Variants in MYPN observed in about 807,000 individuals in gnomAD.
MYPN encodes myopalladin, also known as sarcomeric protein myopalladin, 145 kDa (MYOP).
In MYPN, 63 loss-of-function variants were observed where a neutral mutation model predicts 129.4. That is an observed-to-expected ratio of 0.49 (90% confidence interval 0.40 to 0.60). The LOEUF is 0.60. MYPN is among the 20% of genes least tolerant of loss of function. MYPN has a pLI of 0.00. For synonymous variants in MYPN, 629 were observed against 600.9 expected (o/e 1.05, Z -0.68); for missense variants, 1,596 against 1,635.4 (o/e 0.98, Z 0.42).
At chr10:68,177,077 G>C (rs2043238819) in intron 12 of MYPN, among the ~76,000 whole-genome samples, 1 of 152,276 alleles carries the variant, frequency 6.6e-6, no homozygotes, top group Admixed American at 6.5e-5. Context: ...TACGCTGTTT[G>C]ATTTTACTTT....
chr10:68,160,742 C>A (rs1254186725), intron 7 of MYPN, among the ~76,000 whole-genome samples: 1 of 151,942 alleles, frequency 6.6e-6, no homozygotes, highest in Non-Finnish European at 1.5e-5. Flanking sequence ...CATGGTGAAA[C>A]CCCGTCTCTA....
intron 12 of MYPN, among the ~76,000 whole-genome samples, chr10:68,188,081 G>A (rs1304933207): frequency 6.6e-6 from 1 of 152,114 alleles, no homozygotes; most frequent in Non-Finnish European, 1.5e-5. Context: ...AGTGAAAGCA[G>A]ACATGGGGTT....
At chr10:68,112,288 T>C (rs949347153) in intron 1 of MYPN, among the ~76,000 whole-genome samples, 15 of 152,202 alleles carry the variant, frequency 9.9e-5, no homozygotes, top group Non-Finnish European at 2.1e-4. Context: ...GATTAAATAG[T>C]ACCTTTGAGC....
At chr10:68,169,660 G>A (rs1564677401) in intron 10 of MYPN, among the ~76,000 whole-genome samples, 1 of 151,928 alleles carries the variant, frequency 6.6e-6, no homozygotes, top group East Asian at 1.9e-4. Context: ...TCCCCTCATG[G>A]TCCAAGACGG....
chr10:68,099,943 C>T (rs934581094), intron 1 of MYPN, among the ~76,000 whole-genome samples: 1 of 152,116 alleles, frequency 6.6e-6, no homozygotes, highest in Non-Finnish European at 1.5e-5. Flanking sequence ...CAGACAAGAG[C>T]TGGGCTTCGG....
rs1196736226 is a variant in MYPN at position 68,211,653 on chromosome 10, G to T, written c.*1198G>T. On this transcript the variant is annotated 3_prime_UTR_variant, in exon 20 of 20. Coordinates refer to ENST00000358913, the MANE Select transcript of MYPN (RefSeq NM_032578.4). ...ACTGTGATATCCCTAGTACCTAGAAGAGTACCTAGCACAAAGTAGACATTC... is the reference window on the plus strand; with the variant it reads ...ACTGTGATATCCCTAGTACCTAGAATAGTACCTAGCACAAAGTAGACATTC... 6 of 454,010 alleles carry T rather than the reference G, an allele frequency of 1.3e-5. No homozygotes were observed. Among genetic ancestry groups the T allele is most frequent in the Non-Finnish European group, 2.6e-5 (6 of 226,812 alleles). The allele number at this position is 454,010 out of a possible 1,614,324, so 28.1% of individuals were successfully genotyped here. A position where few individuals can be genotyped will look rare whatever the true frequency, so the allele number is the denominator to read the frequency against.
intron 2 of MYPN, among the ~76,000 whole-genome samples, chr10:68,138,455 G>A (rs2042522771): frequency 1.3e-5 from 2 of 150,986 alleles, no homozygotes; most frequent in Non-Finnish European, 2.9e-5. Context: ...TGCAAGTGTG[G>A]TGGTAAATGC....
At chr10:68,176,202 T>A (rs1031185072) in intron 12 of MYPN, among the ~76,000 whole-genome samples, 1 of 152,228 alleles carries the variant, frequency 6.6e-6, no homozygotes, top group South Asian at 2.1e-4. Flanking sequence ...TATACAACTC[T>A]TTGCTTTCTA....
chr10:68,096,736 C>T (rs1237046947), intron 1 of MYPN, among the ~76,000 whole-genome samples: 1 of 152,170 alleles, frequency 6.6e-6, no homozygotes, highest in African/African-American at 2.4e-5. Context: ...TGTTTATATG[C>T]ATTCAACGGT....
At chr10:68,186,686 C>T (rs993036841) in intron 12 of MYPN, among the ~76,000 whole-genome samples, 12 of 152,154 alleles carry the variant, frequency 7.9e-5, no homozygotes, top group South Asian at 2.1e-4. Flanking sequence ...TCTTATTGAG[C>T]GCTCACCTGC....
At chr10:68,147,236 C>A (rs2042682075) in intron 4 of MYPN, among the ~76,000 whole-genome samples, 1 of 152,124 alleles carries the variant, frequency 6.6e-6, no homozygotes, top group African/African-American at 2.4e-5. Flanking sequence ...CTCACTGCAA[C>A]CTCTGCCACC....
intron 13 of MYPN, 95 bp from the exon 14 acceptor site, chr10:68,194,268 A>G: frequency 7.5e-7 from 1 of 1,326,000 alleles, no homozygotes; most frequent in Non-Finnish European, 1.1e-6. Context: ...GTCACTTAAA[A>G]GATGGCAGTT....
At chr10:68,120,108 C>T (rs2042220957) in intron 1 of MYPN, among the ~76,000 whole-genome samples, 1 of 152,152 alleles carries the variant, frequency 6.6e-6, no homozygotes, top group African/African-American at 2.4e-5. Context: ...TCTTCATCTC[C>T]ATTGCCATCT....
chr10:68,095,840 G>A (rs2041954220), intron 1 of MYPN, among the ~76,000 whole-genome samples: 1 of 152,102 alleles, frequency 6.6e-6, no homozygotes, highest in Non-Finnish European at 1.5e-5. Flanking sequence ...GGTGGGTGGT[G>A]ACAATGGCTG....
intron 1 of MYPN, among the ~76,000 whole-genome samples, chr10:68,097,710 A>T (rs542308500): frequency 2.4e-4 from 36 of 152,064 alleles, no homozygotes; most frequent in Non-Finnish European, 5.0e-4. Flanking sequence ...TAAATACTAA[A>T]TTACTCTCTT....
At chr10:68,155,557 T>C (rs1391285673) in intron 6 of MYPN, among the ~76,000 whole-genome samples, 1 of 152,240 alleles carries the variant, frequency 6.6e-6, no homozygotes, top group African/African-American at 2.4e-5. Context: ...TCATTTGTTG[T>C]CAGTGAAGCT....
intron 1 of MYPN, among the ~76,000 whole-genome samples, chr10:68,110,908 C>T (rs1018212902): frequency 6.6e-6 from 1 of 152,098 alleles, no homozygotes; most frequent in African/African-American, 2.4e-5. Context: ...ATAGGCCTTA[C>T]AGAATCTTAT....
chr10:68,089,381 G>A (rs532360113), intron 1 of MYPN, among the ~76,000 whole-genome samples: 2 of 151,824 alleles, frequency 1.3e-5, no homozygotes, highest in South Asian at 2.1e-4. Flanking sequence ...TCGCTCTGTC[G>A]CCCAGACTGG....
chr10:68,121,597 A>T lies in MYPN; in HGVS notation c.159A>T (p.Gly53=). The T allele has an allele frequency of 6.2e-7, 1 of 1,614,230 alleles. No individual in the cohort carries two copies. Among genetic ancestry groups the T allele is most frequent in the Non-Finnish European group, 8.5e-7 (1 of 1,180,046 alleles). ...HFGSPSGAAE[G]GGGQDDLPDL... ...GCAGTCCTTCTGGGGCCGCTGAAGG[A>T]GGCGGAGGCCAAGATGACCTTCCAG... The change falls in exon 2 of 20, where the codon GGA becomes GGT. Residue 53 remains glycine (G), a synonymous_variant. Transcript: ENST00000358913.
Sources: allele counts gnomAD v4.1 joint callset (sites outside exome capture counted in the v4.1 genomes callset), GRCh38; gene constraint gnomAD v4.1.1; transcripts MANE v1.5; gene names NCBI Gene and HGNC (gene_info 2026-07-23, HGNC 2026-07-21).